PPP4R4: variants seen among roughly 807,000 people sequenced by gnomAD.
PPP4R4 encodes protein phosphatase 4 regulatory subunit 4, also known as serine/threonine-protein phosphatase 4 regulatory subunit 4.
PPP4R4 carries 70 observed loss-of-function variants against 121.8 expected under a neutral mutation model. That is an observed-to-expected ratio of 0.57 (90% CI 0.47 to 0.70). PPP4R4 has a LOEUF of 0.70. Among genes scored for constraint, PPP4R4 ranks in the 30% least tolerant of loss-of-function variants. The pLI is 0.00. For missense variants in PPP4R4, 875 were observed against 1,033.6 expected (o/e 0.85, Z 2.10); for synonymous variants, 348 against 355.7 (o/e 0.98, Z 0.24).
chr14:94,193,823 G>A (rs556526602), intron 2 of PPP4R4, among the ~76,000 whole-genome samples: 5 of 152,252 alleles, frequency 3.3e-5, no homozygotes, highest in African/African-American at 1.2e-4. Flanking sequence ...AAAAGGAATG[G>A]GTTGCTGATA....
chr14:94,180,027 G>A (rs1001087819), intron 2 of PPP4R4, among the ~76,000 whole-genome samples: 9 of 152,198 alleles, frequency 5.9e-5, no homozygotes, highest in African/African-American at 1.9e-4. Context: ...CAGTGGTGAA[G>A]TTAGTTATGG....
intron 3 of PPP4R4, among the ~76,000 whole-genome samples, chr14:94,213,863 T>C (rs1269149341): frequency 6.6e-6 from 1 of 152,232 alleles, no homozygotes; most frequent in African/African-American, 2.4e-5. Context: ...GCTGTTGTTT[T>C]AAGCCACTCA....
At chr14:94,201,252 C>A (rs1004831154) in intron 2 of PPP4R4, among the ~76,000 whole-genome samples, 1 of 152,102 alleles carries the variant, frequency 6.6e-6, no homozygotes, top group African/African-American at 2.4e-5. Context: ...ATCATATGGT[C>A]TTTCTTGGAG....
intron 2 of PPP4R4, among the ~76,000 whole-genome samples, chr14:94,199,478 G>A (rs1890051835): frequency 6.6e-6 from 1 of 152,186 alleles, no homozygotes; most frequent in Non-Finnish European, 1.5e-5. Context: ...GGCGGCTTGT[G>A]TTAGTCAGCT....
At chr14:94,190,964 T>C (rs184982167) in intron 2 of PPP4R4, among the ~76,000 whole-genome samples, 2 of 152,270 alleles carry the variant, frequency 1.3e-5, no homozygotes, top group Non-Finnish European at 2.9e-5. Flanking sequence ...TGCATGTGTA[T>C]TAATATAGAT....
At chr14:94,244,998 ATTACTG>A (rs1892817491) in intron 12 of PPP4R4, among the ~76,000 whole-genome samples, 2 of 152,062 alleles carry the variant, frequency 1.3e-5, no homozygotes, top group African/African-American at 4.8e-5. Flanking sequence ...TTTAATTTCA[ATTACTG>A]TTACTATTTG....
intron 2 of PPP4R4, among the ~76,000 whole-genome samples, chr14:94,185,262 T>G (rs1889206382): frequency 6.6e-6 from 1 of 152,156 alleles, no homozygotes; most frequent in Non-Finnish European, 1.5e-5. Context: ...TCCCAGCAGT[T>G]TGAGAGGTCA....
chr14:94,237,838 C>T, intron 8 of PPP4R4, 152 bp downstream of exon 8: 1 of 1,101,472 alleles, frequency 9.1e-7, no homozygotes, highest in South Asian at 1.6e-5. Flanking sequence ...TTCGTGTCTT[C>T]TTGGCTTTCA....
rs1893478236 is a variant in PPP4R4, at chr14:94,256,440, T to A, written c.1866-20T>A. 6.5e-7 allele frequency: 1 copy of A among 1,549,206 alleles called. No individual in the cohort carries two copies. Among genetic ancestry groups the A allele is most frequent in the African/African-American group, 1.4e-5 (1 of 72,390 alleles). On this transcript the variant is annotated intron_variant, in intron 16 of 24. Coordinates refer to ENST00000304338, the MANE Select transcript of PPP4R4 (RefSeq NM_058237.2). ...CTTAGTTATTAACTTCACTCAAGAG[T>A]AAATACTATTTTATTGTAGAATGAA...
At chr14:94,177,293 A>G (rs1488695569) in intron 2 of PPP4R4, among the ~76,000 whole-genome samples, 1 of 152,136 alleles carries the variant, frequency 6.6e-6, no homozygotes, top group Non-Finnish European at 1.5e-5. Flanking sequence ...CTGTGGTAGC[A>G]TGCTCTCATC....
At chr14:94,275,678 T>G (rs572714645) in intron 24 of PPP4R4, among the ~76,000 whole-genome samples, 157 bp downstream of exon 24, 57 of 152,364 alleles carry the variant, frequency 3.7e-4, no homozygotes, top group Middle Eastern at 3.4e-3. Context: ...GACTCTGTTA[T>G]GTTAGTTTAT....
intron 20 of PPP4R4, 69 bp from the exon 21 acceptor site, chr14:94,265,318 C>T (rs1893983636): frequency 3.5e-6 from 4 of 1,129,266 alleles, no homozygotes; most frequent in South Asian, 2.6e-5. Context: ...TCTGAGTTGT[C>T]TTGTGTATTT....
rs1487405347 is a variant in PPP4R4 at position 94,246,454 on chromosome 14, A to C, written c.1526A>C (p.Lys509Thr). 2 of 1,614,122 alleles carry C rather than the reference A, an allele frequency of 1.2e-6. No homozygotes were observed. Among genetic ancestry groups the C allele is most frequent in the East Asian group, 2.2e-5 (1 of 44,886 alleles). Residue 509 changes from lysine to threonine, a missense_variant, in exon 14 of 25, where the codon AAA becomes ACA. Physicochemically the swap from Lys to Thr is moderately conservative, Grantham distance 78. Coordinates refer to ENST00000304338, the MANE Select transcript of PPP4R4 (RefSeq NM_058237.2). ...AGAACTCATGAGAAGCTACTTCAGA[A>C]ATATGCCTGCCTGCCACATGTCATA... ...KWRTHEKLLQ[K>T]YACLPHVISS...
chr14:94,208,117 G>C (rs1243118), intron 2 of PPP4R4, among the ~76,000 whole-genome samples: 68,932 of 151,622 alleles, frequency 0.45, 18,268 homozygotes, highest in Non-Finnish European at 0.61. Flanking sequence ...TTTTTATAAA[G>C]TATGGCAAAC....
At chr14:94,214,479 C>T (rs780440203) in intron 3 of PPP4R4, among the ~76,000 whole-genome samples, 5 of 147,000 alleles carry the variant, frequency 3.4e-5, no homozygotes, top group South Asian at 2.1e-4. Context: ...CCAGCTAGGG[C>T]GGCATAGCAA....
intron 24 of PPP4R4, among the ~76,000 whole-genome samples, chr14:94,277,370 C>T (rs1894701239): frequency 6.6e-6 from 1 of 152,128 alleles, no homozygotes; most frequent in East Asian, 1.9e-4. Context: ...GTGCCTCGTT[C>T]CCAGCAGCAG....
chr14:94,265,371 G>C lies in PPP4R4; in HGVS notation c.2198-16G>C. The C allele has an allele frequency of 6.4e-7, 1 of 1,574,532 alleles. No individual in the cohort carries two copies. The highest frequency in any genetic ancestry group is 8.7e-7 in the Non-Finnish European group (1 of 1,144,734). On this transcript the variant is annotated splice_polypyrimidine_tract_variant and intron_variant, in intron 20 of 24. Transcript: ENST00000304338. ...CTTAGAGGAAATTATACAACTTAAA[G>C]CAGAATTTATTTTAGGTAGAGACAC... is the stretch of plus-strand genomic sequence containing the variant.
chr14:94,237,741 T>C, intron 8 of PPP4R4, 55 bp downstream of exon 8: 1 of 1,565,052 alleles, frequency 6.4e-7, no homozygotes, highest in South Asian at 1.1e-5. Context: ...CTACATGTTT[T>C]ATGTCACTAA....
intron 24 of PPP4R4, among the ~76,000 whole-genome samples, chr14:94,276,919 A>G (rs1894673858): frequency 6.6e-6 from 1 of 152,262 alleles, no homozygotes; most frequent in South Asian, 2.1e-4. Context: ...GTTAATGTCA[A>G]TGCAGAGTAT....
Sources: allele counts gnomAD v4.1 joint callset (sites outside exome capture counted in the v4.1 genomes callset), GRCh38; gene constraint gnomAD v4.1.1; transcripts MANE v1.5; gene names NCBI Gene and HGNC (gene_info 2026-07-23, HGNC 2026-07-21).